Variants in TNFRSF13B observed in about 807,000 individuals in gnomAD.
TNFRSF13B encodes the protein tumor necrosis factor receptor superfamily member 13B.
TNFRSF13B carries 34 observed loss-of-function variants against 24.0 expected under a neutral mutation model. The ratio of observed to expected loss-of-function variants is 1.41; its 90% CI spans 1.08 to 1.88. TNFRSF13B has a LOEUF of 1.88. Ranked by LOEUF, TNFRSF13B falls within the 40% of genes most tolerant of loss-of-function variation. The probability of loss-of-function intolerance (pLI) is 0.00; values close to 1 mark genes in which losing one functional copy is unlikely to be tolerated. For synonymous variants in TNFRSF13B, 173 were observed against 150.3 expected (o/e 1.15, Z -1.10); for missense variants, 415 against 380.8 (o/e 1.09, Z -0.75).
intron 3 of TNFRSF13B, among the ~76,000 whole-genome samples, chr17:16,946,587 TATTTA>T (rs2087550549): frequency 1.5e-5 from 2 of 135,340 alleles, no homozygotes; most frequent in Non-Finnish European, 1.6e-5. Flanking sequence ...TTTATTTATT[TATTTA>T]TTTATTTTTT....
intron 1 of TNFRSF13B, among the ~76,000 whole-genome samples, chr17:16,969,328 A>G (rs1423434938): frequency 6.6e-6 from 1 of 152,248 alleles, no homozygotes; most frequent in African/African-American, 2.4e-5. Flanking sequence ...CGATGACTGG[A>G]AAAGCCACAT....
chr17:16,967,509 C>T (rs1336349650), intron 1 of TNFRSF13B, among the ~76,000 whole-genome samples: 1 of 151,808 alleles, frequency 6.6e-6, no homozygotes, highest in African/African-American at 2.4e-5. Flanking sequence ...AATCCCAGCA[C>T]TTTGGGAGGC....
intron 1 of TNFRSF13B, among the ~76,000 whole-genome samples, chr17:16,953,561 C>G (rs970867789): frequency 6.6e-6 from 1 of 152,332 alleles, no homozygotes. Flanking sequence ...ATTGCCCCTT[C>G]TGGTACTTCC....
At chr17:16,940,754 T>G in intron 3 of TNFRSF13B, 1 of 1,421,048 alleles carries the variant, frequency 7.0e-7, no homozygotes, top group South Asian at 1.5e-5. Context: ...CTAGGCCTTC[T>G]TGTTGTCTCC....
intron 1 of TNFRSF13B, among the ~76,000 whole-genome samples, chr17:16,967,903 C>T (rs1311899959): frequency 1.3e-5 from 2 of 151,034 alleles, no homozygotes; most frequent in African/African-American, 2.4e-5. Flanking sequence ...TTTGGGATGC[C>T]GAGGTGGGTG....
chr17:16,961,651 T>C lies in TNFRSF13B; in HGVS notation c.62-9068A>G, dbSNP rs138110840. On this transcript the variant is annotated intron_variant, in intron 1 of 4. Coordinates refer to ENST00000261652, the MANE Select transcript of TNFRSF13B (RefSeq NM_012452.3). ...ATAAAAAAGTTTTGGATATAGATAG[T>C]GGTGCTTGTGCATGTACGTAATGCC... 3.0e-3 allele frequency among the ~76,000 whole-genome samples: 459 copies of C among 152,284 alleles called. 2 individuals carry two copies. Among genetic ancestry groups the C allele is most frequent in the Admixed American group, 0.017 (253 of 15,298 alleles).
chr17:16,946,736 C>T (rs2087552129), intron 3 of TNFRSF13B, among the ~76,000 whole-genome samples: 1 of 151,910 alleles, frequency 6.6e-6, no homozygotes, highest in South Asian at 2.1e-4. Context: ...TACAGGTGTG[C>T]ACCACCAGAT....
chr17:16,951,288 C>A (rs1480017807), intron 2 of TNFRSF13B, among the ~76,000 whole-genome samples: 1 of 152,200 alleles, frequency 6.6e-6, no homozygotes, highest in Non-Finnish European at 1.5e-5. Flanking sequence ...AGGCTCAAGT[C>A]AGACATGGTT....
chr17:16,953,288 A>T (rs2087602842), intron 1 of TNFRSF13B, among the ~76,000 whole-genome samples: 1 of 152,250 alleles, frequency 6.6e-6, no homozygotes, highest in Non-Finnish European at 1.5e-5. Flanking sequence ...TGCCTAGCAC[A>T]CAGCAAGAAC....
intron 2 of TNFRSF13B, 69 bp downstream of exon 2, chr17:16,952,377 A>T: frequency 6.2e-7 from 1 of 1,608,608 alleles, no homozygotes; most frequent in Non-Finnish European, 8.5e-7. Context: ...CTGTGGGGCC[A>T]GAGGGTGCTC....
intron 1 of TNFRSF13B, among the ~76,000 whole-genome samples, chr17:16,964,848 A>G (rs2087688829): frequency 1.3e-5 from 2 of 152,096 alleles, no homozygotes; most frequent in Non-Finnish European, 2.9e-5. Flanking sequence ...TGGGGAAAGC[A>G]CGGCTGAGTC....
chr17:16,959,339 G>T (rs1391467235), intron 1 of TNFRSF13B, among the ~76,000 whole-genome samples: 1 of 151,796 alleles, frequency 6.6e-6, no homozygotes. Flanking sequence ...TGCAAAGAGG[G>T]AAATTCATGT....
chr17:16,966,159 C>G (rs1381583666), intron 1 of TNFRSF13B, among the ~76,000 whole-genome samples: 1 of 151,676 alleles, frequency 6.6e-6, no homozygotes, highest in Non-Finnish European at 1.5e-5. Flanking sequence ...GAGGCTGAGG[C>G]AGGAGAATCT....
intron 1 of TNFRSF13B, among the ~76,000 whole-genome samples, chr17:16,968,763 A>G (rs34663166): frequency 0.13 from 19,901 of 152,290 alleles, 1,608 homozygotes; most frequent in East Asian, 0.4. Flanking sequence ...TAAAAAGACA[A>G]TTCACTAACT....
intron 3 of TNFRSF13B, among the ~76,000 whole-genome samples, chr17:16,942,705 C>T (rs543764304): frequency 3.3e-5 from 5 of 152,298 alleles, no homozygotes; most frequent in South Asian, 4.2e-4. Flanking sequence ...TGTTACTAAG[C>T]GGAAATGAAC....
chr17:16,952,683 A>AGACAACCTTT, intron 1 of TNFRSF13B, 100 bp from the exon 2 acceptor site: 1 of 1,563,610 alleles, frequency 6.4e-7, no homozygotes, highest in Non-Finnish European at 8.7e-7. Flanking sequence ...ACATTCGCAC[A>AGACAACCTTT]GACAACCTTT....
rs568872954 is a variant in TNFRSF13B at position 16,966,203 on chromosome 17, G to A, written c.61+5812C>T. 1.7e-3 allele frequency among the ~76,000 whole-genome samples: 253 copies of A among 150,198 alleles called. 1 individual carries two copies. Among genetic ancestry groups the A allele is most frequent in the Non-Finnish European group, 2.9e-3 (193 of 67,676 alleles). ...CAGTTGGGGGAAGTTGCAGTGAGCC[G>A]AGATTGCACCACTGCACTCCAGCCT... On this transcript the variant is annotated intron_variant, in intron 1 of 4. Coordinates refer to ENST00000261652, the MANE Select transcript of TNFRSF13B (RefSeq NM_012452.3).
intron 1 of TNFRSF13B, among the ~76,000 whole-genome samples, chr17:16,971,040 A>T (rs910210422): frequency 6.6e-6 from 1 of 151,914 alleles, no homozygotes; most frequent in African/African-American, 2.4e-5. Context: ...AACCTTAGAA[A>T]CCCACCCTGA....
At chr17:16,948,602 T>C (rs2087565316) in intron 3 of TNFRSF13B, 136 bp downstream of exon 3, 4 of 1,240,072 alleles carry the variant, frequency 3.2e-6, no homozygotes, top group Non-Finnish European at 4.7e-6. Flanking sequence ...CCTGGGATGA[T>C]CTCCCTGGCT....
Sources: allele counts gnomAD v4.1 joint callset (sites outside exome capture counted in the v4.1 genomes callset), GRCh38; gene constraint gnomAD v4.1.1; transcripts MANE v1.5; gene names NCBI Gene and HGNC (gene_info 2026-07-23, HGNC 2026-07-21).